Variants in AHCTF1 observed in about 807,000 individuals in gnomAD.
AHCTF1 encodes protein ELYS.
A neutral mutation model predicts 248.4 loss-of-function variants in AHCTF1; 24 were observed. That is an observed-to-expected ratio of 0.10 (90% confidence interval 0.07 to 0.14). AHCTF1 has a LOEUF of 0.14. AHCTF1 is among the 10% of genes least tolerant of loss of function. The probability of loss-of-function intolerance (pLI) is 1.00; values close to 1 mark genes in which losing one functional copy is unlikely to be tolerated. For synonymous variants in AHCTF1, 786 were observed against 929.8 expected, an observed-to-expected ratio of 0.85 and a Z score of 2.81; for missense variants, 2,206 against 2,636.2, an observed-to-expected ratio of 0.84 and a Z score of 3.57.
chr1:246,898,862 C>T (rs576833228), intron 11 of AHCTF1, among the ~76,000 whole-genome samples: 4 of 152,248 alleles, frequency 2.6e-5, no homozygotes, highest in East Asian at 1.9e-4. Context: ...CCGAGGCAGG[C>T]GGATCATCTG....
rs773506033 is a variant in AHCTF1 at position 246,860,769 on chromosome 1, G to A, written c.4132+130C>T. The A allele has an allele frequency of 4.8e-6, 6 of 1,243,526 alleles. No homozygotes were observed. In the African/African-American group the frequency reaches 6.1e-5, roughly 13 times the overall value. 77.0% of individuals were successfully genotyped at this position (1,243,526 alleles called of 1,614,324 possible). A position where few individuals can be genotyped will look rare whatever the true frequency, so the allele number is the denominator to read the frequency against. ...AATCCTCCAGCCTCAGCCTCCCAAA[G>A]TGCTGAGATTAACTAGCATGAGCCA... On this transcript the variant is annotated intron_variant, in intron 29 of 35. Coordinates refer to ENST00000648844, the MANE Select transcript of AHCTF1 (RefSeq NM_001323342.2).
chr1:246,855,889 T>C (rs1401698466), intron 30 of AHCTF1, 62 bp from the exon 31 acceptor site: 5 of 1,233,216 alleles, frequency 4.1e-6, no homozygotes, highest in Non-Finnish European at 2.3e-6. Context: ...TAACCTGCTT[T>C]AGTCCTACCA....
rs367765009 is a variant in AHCTF1, at chr1:246,907,777, C to T, written c.557-19G>A. ...TCAAGATCTAAAACCACAAATTAGA[C>T]AAATGAAGTTAAAAAACTAGAAACA... On this transcript the variant is annotated intron_variant, in intron 4 of 35. Transcript: ENST00000648844. The T allele has an allele frequency of 6.9e-6, 11 of 1,592,030 alleles. No individual in the cohort carries two copies. The highest frequency in any genetic ancestry group is 9.4e-6 in the Non-Finnish European group (11 of 1,169,492).
intron 26 of AHCTF1, 165 bp from the exon 27 acceptor site, chr1:246,864,281 G>T: frequency 1.4e-6 from 1 of 690,304 alleles, no homozygotes. Context: ...CAAAAAGTCA[G>T]AAAATTATTC....
At chr1:246,881,538 T>A (rs1047288099) in intron 21 of AHCTF1, among the ~76,000 whole-genome samples, 1 of 152,074 alleles carries the variant, frequency 6.6e-6, no homozygotes, top group Non-Finnish European at 1.5e-5. Context: ...AAATTTTTTT[T>A]AAATAGAAGC....
At chr1:246,931,167 A>C (rs1265133604) in intron 1 of AHCTF1, 3 of 1,550,234 alleles carry the variant, frequency 1.9e-6, no homozygotes, top group Non-Finnish European at 1.7e-6. Flanking sequence ...ACACGCCAAC[A>C]CAGGACAGGC....
intron 10 of AHCTF1, 111 bp downstream of exon 10, chr1:246,899,953 CT>C: frequency 7.7e-6 from 8 of 1,041,428 alleles, no homozygotes; most frequent in Non-Finnish European, 1.1e-5. Flanking sequence ...CATATGTTAA[CT>C]AACAGTGAGA....
At chr1:246,923,186 G>A (rs1453862406) in intron 1 of AHCTF1, among the ~76,000 whole-genome samples, 2 of 150,704 alleles carry the variant, frequency 1.3e-5, no homozygotes, top group Admixed American at 6.6e-5. Context: ...AGGCCGAGGT[G>A]GGCAGATCAC....
chr1:246,924,299 T>C (rs1015174506), intron 1 of AHCTF1, among the ~76,000 whole-genome samples: 1 of 152,214 alleles, frequency 6.6e-6, no homozygotes, highest in African/African-American at 2.4e-5. Flanking sequence ...TTCTAAAAAT[T>C]AGCATTTCAT....
rs189171214 is a variant in AHCTF1, at chr1:246,868,948, C to A, written c.3089-1137G>T. 3.7e-3 allele frequency among the ~76,000 whole-genome samples: 553 copies of A among 150,620 alleles called. 3 individuals are homozygous for A. Among genetic ancestry groups the A allele is most frequent in the Non-Finnish European group, 5.9e-3 (400 of 67,778 alleles). The stretch of plus-strand genomic sequence containing the variant: ...CAAGTTCTGCCTCCCGGGTTCACGC[C>A]ATTCTCCTGCCTCAGCCTGCTGAGT... On this transcript the variant is annotated intron_variant, in intron 24 of 35. Coordinates refer to ENST00000648844, the MANE Select transcript of AHCTF1 (RefSeq NM_001323342.2).
intron 24 of AHCTF1, among the ~76,000 whole-genome samples, chr1:246,869,675 T>C (rs1662424863): frequency 6.6e-6 from 1 of 152,004 alleles, no homozygotes; most frequent in Non-Finnish European, 1.5e-5. Flanking sequence ...CAGCATGGTT[T>C]ACCGAATATT....
At position 246,839,901 on chromosome 1, in the gene AHCTF1, T is replaced by C. The variant is rs149732454; in HGVS notation, c.*905A>G. On this transcript the variant is annotated 3_prime_UTR_variant, in exon 36 of 36. Transcript: ENST00000648844. ...ACTCACTCTCTCCCAACCTCAATAA[T>C]CTGTGCCTGAGGTCCTGTGAGAATT... The C allele has an allele frequency of 8.4e-4, 128 of 152,750 alleles. No homozygotes were observed. The highest frequency in any genetic ancestry group is 2.9e-3 in the African/African-American group (121 of 41,568). The allele number at this position is 152,750 out of a possible 1,614,324, so 9.5% of individuals were successfully genotyped here.
rs1308102448 is a variant in AHCTF1, at chr1:246,850,844, G to A, written c.5162C>T (p.Thr1721Ile). Residue 1721 changes from threonine (T) to isoleucine (I), a missense_variant, in exon 33 of 36, where the codon ACA (threonine) becomes ATA (isoleucine). Physicochemically the swap from Thr to Ile is moderately conservative, Grantham distance 89. Transcript: ENST00000648844. ...GCTGACATTCATAGTCATTGTGCTT[G>A]TTTCCTGAGCAGTCTTAAATGCAGA... Reference protein sequence around the residue: ...VKSAFKTAQETSTMTMNVSQV... With the variant: ...VKSAFKTAQEISTMTMNVSQV... 1.3e-5 allele frequency: 21 copies of A among 1,613,760 alleles called. No individual in the cohort carries two copies. Among genetic ancestry groups the A allele is most frequent in the Non-Finnish European group, 1.7e-5 (20 of 1,179,850 alleles).
At chr1:246,929,168 G>A (rs963041146) in intron 1 of AHCTF1, among the ~76,000 whole-genome samples, 1 of 152,150 alleles carries the variant, frequency 6.6e-6, no homozygotes. Context: ...CAGCACTTTG[G>A]TTGGCCGAGG....
chr1:246,849,956 C>G lies in AHCTF1; in HGVS notation c.6050G>C (p.Ser2017Thr). ...RRSTRNTPAK[S>T]ENVDVGKPAL... ...TGGTTTTCCAACATCAACATTTTCA[C>G]TTTTAGCTGGGGTATTTCTTGTAGA... is the stretch of plus-strand genomic sequence containing the variant. Residue 2017 changes from serine (S) to threonine (T), a missense_variant, in exon 33 of 36, where the codon AGT becomes ACT. Around this residue, in one of 6 missense-constraint regions of AHCTF1, gnomAD observed 469 missense variants for 470.0 expected, o/e 1.00. Coordinates refer to ENST00000648844, the MANE Select transcript of AHCTF1 (RefSeq NM_001323342.2). 6.2e-7 allele frequency: 1 copy of G among 1,613,954 alleles called. No individual in the cohort carries two copies. The highest frequency in any genetic ancestry group is 8.5e-7 in the Non-Finnish European group (1 of 1,179,854).
chr1:246,913,179 G>C, intron 4 of AHCTF1, 53 bp downstream of exon 4: 2 of 1,421,042 alleles, frequency 1.4e-6, no homozygotes, highest in Middle Eastern at 2.7e-4. Context: ...AAAAAATATT[G>C]CATCAGAATA....
chr1:246,887,827 A>C (rs1360194848), intron 19 of AHCTF1, among the ~76,000 whole-genome samples: 1 of 152,212 alleles, frequency 6.6e-6, no homozygotes, highest in African/African-American at 2.4e-5. Flanking sequence ...GCTAACTTAT[A>C]ATGTATTCAT....
chr1:246,886,762 C>T (rs1296474287), intron 20 of AHCTF1, among the ~76,000 whole-genome samples: 1 of 152,128 alleles, frequency 6.6e-6, no homozygotes, highest in Non-Finnish European at 1.5e-5. Flanking sequence ...TTTCTGGATC[C>T]TGGAACCAAT....
chr1:246,893,186 A>G (rs1354067663), intron 14 of AHCTF1, among the ~76,000 whole-genome samples: 1 of 152,210 alleles, frequency 6.6e-6, no homozygotes, highest in Non-Finnish European at 1.5e-5. Flanking sequence ...TAAAAAAATG[A>G]GGACATTTTT....
Sources: allele counts gnomAD v4.1 joint callset (sites outside exome capture counted in the v4.1 genomes callset), GRCh38; gene constraint gnomAD v4.1.1; regional missense constraint gnomAD v4.1.1; transcripts MANE v1.5; gene names NCBI Gene and HGNC (gene_info 2026-07-23, HGNC 2026-07-21).